SLC1A7: variants seen among roughly 807,000 people sequenced by gnomAD.
SLC1A7 encodes the protein solute carrier family 1 member 7.
Under a neutral mutation model 47.7 loss-of-function variants are expected in SLC1A7, and 40 were observed. The observed-to-expected ratio is 0.84, with a 90% CI of 0.65 to 1.09. The LOEUF (loss-of-function observed/expected upper bound fraction) is 1.09, where lower values mean the gene tolerates loss of function less well. Ranked by LOEUF, SLC1A7 falls within the 50% of genes least tolerant of loss-of-function variation. The pLI is 0.00. For missense variants in SLC1A7, 746 were observed against 769.5 expected, an observed-to-expected ratio of 0.97 and a Z score of 0.36; for synonymous variants, 323 against 325.6, an observed-to-expected ratio of 0.99 and a Z score of 0.09.
chr1:53,130,085 G>A (rs568075004), intron 2 of SLC1A7, among the ~76,000 whole-genome samples: 9 of 152,292 alleles, frequency 5.9e-5, no homozygotes, highest in East Asian at 1.9e-4. Context: ...AGCTGCGACC[G>A]TGAGGTCACT....
At chr1:53,105,645 C>T in intron 4 of SLC1A7, 87 bp downstream of exon 4, 2 of 1,043,428 alleles carry the variant, frequency 1.9e-6, no homozygotes, top group Middle Eastern at 2.3e-4. Context: ...GCACACCTGT[C>T]ACTTCCCAGC....
intron 9 of SLC1A7, 109 bp downstream of exon 9, chr1:53,089,691 T>C: frequency 8.3e-7 from 1 of 1,200,660 alleles, no homozygotes; most frequent in Middle Eastern, 2.3e-4. Flanking sequence ...AGCGGGGCAG[T>C]CCCCAGCCTT....
intron 5 of SLC1A7, among the ~76,000 whole-genome samples, chr1:53,094,693 C>T (rs1465483429): frequency 6.6e-6 from 1 of 152,196 alleles, no homozygotes; most frequent in Non-Finnish European, 1.5e-5. Flanking sequence ...CTTCCTGCCG[C>T]CTGGCTGATG....
rs554893868 is a variant in SLC1A7, at chr1:53,095,912, C to T, written c.698-2352G>A. Among the ~76,000 whole-genome samples, 351 of 147,784 alleles carry T rather than the reference C, an allele frequency of 2.4e-3. 1 individual carries two copies. The highest frequency in any genetic ancestry group is 0.021 in the Middle Eastern group (5 of 240). ...ATCGCCTCGGTACACTCACACAACC[C>T]GCCTCGGTACACTCACACAAACTGC... On this transcript the variant is annotated intron_variant, in intron 5 of 10. Coordinates refer to ENST00000371494, the MANE Select transcript of SLC1A7 (RefSeq NM_006671.6).
At chr1:53,095,709 G>A (rs767478433) in intron 5 of SLC1A7, among the ~76,000 whole-genome samples, 28 of 144,692 alleles carry the variant, frequency 1.9e-4, no homozygotes, top group Non-Finnish European at 3.9e-4. Context: ...ACCCTGCCTC[G>A]GTACACACAC....
At chr1:53,107,273 T>G (rs1390920334) in intron 3 of SLC1A7, among the ~76,000 whole-genome samples, 1 of 147,712 alleles carries the variant, frequency 6.8e-6, no homozygotes, top group Non-Finnish European at 1.5e-5. Context: ...AAATGAGCAA[T>G]AAATCAATAG....
intron 5 of SLC1A7, among the ~76,000 whole-genome samples, chr1:53,096,379 T>C (rs1198958621): frequency 3.2e-4 from 27 of 83,082 alleles, no homozygotes; most frequent in African/African-American, 5.4e-4. Flanking sequence ...CACTCACACA[T>C]CCCGCCTAGG....
At chr1:53,101,316 C>T (rs201038950) in intron 5 of SLC1A7, among the ~76,000 whole-genome samples, 2,551 of 84,978 alleles carry the variant, frequency 0.03, 114 homozygotes, top group African/African-American at 0.1. Flanking sequence ...CACCCCACCT[C>T]GGTACACTCA....
chr1:53,087,503 G>A lies in SLC1A7; in HGVS notation c.*506C>T, dbSNP rs1644372801. 6.6e-6 allele frequency: 1 copy of A among 152,592 alleles called. No homozygotes were observed. Among genetic ancestry groups the A allele is most frequent in the South Asian group, 2.1e-4 (1 of 4,840 alleles). 9.5% of individuals were successfully genotyped at this position (152,592 alleles called of 1,614,324 possible). A position where few individuals can be genotyped will look rare whatever the true frequency, so the allele number is the denominator to read the frequency against. On this transcript the variant is annotated 3_prime_UTR_variant, in exon 11 of 11. Transcript: ENST00000371494. ...GCACTGTGGCCTGGGGAAGGCAGCG[G>A]GGCTTGGCCCTGGGCTGCTCCCCTT...
At chr1:53,122,012 AGCTGGGGG>A (rs1324846093) in intron 2 of SLC1A7, among the ~76,000 whole-genome samples, 3 of 148,684 alleles carry the variant, frequency 2.0e-5, no homozygotes, top group African/African-American at 7.5e-5. Context: ...TGCGGGGAGC[AGCTGGGGG>A]GCTGGGGGGC....
At chr1:53,093,191 G>C (rs888223450) in intron 6 of SLC1A7, among the ~76,000 whole-genome samples, 3 of 152,210 alleles carry the variant, frequency 2.0e-5, no homozygotes, top group African/African-American at 7.2e-5. Context: ...AGCTGATAAG[G>C]CTCCATGTGA....
In SLC1A7 at chr1:53,132,071, G is replaced by A. The variant is rs1358301343; in HGVS notation, c.215+2279C>T. Among the ~76,000 whole-genome samples, 6 of 152,202 alleles carry A rather than the reference G, an allele frequency of 3.9e-5. No homozygotes were observed. The East Asian group carries it at 1.2e-3, about 29-fold the overall frequency. On this transcript the variant is annotated intron_variant, in intron 2 of 10. Coordinates refer to ENST00000371494, the MANE Select transcript of SLC1A7 (RefSeq NM_006671.6). ...GATGGTAAGGGCTTGGTCTGCTTAG[G>A]GAACTTGAGGCTGGTGGGACTGGAG...
chr1:53,103,673 A>G, intron 4 of SLC1A7, 105 bp from the exon 5 acceptor site: 1 of 642,624 alleles, frequency 1.6e-6, no homozygotes, highest in Non-Finnish European at 2.6e-6. Flanking sequence ...ATCCATTCCT[A>G]TCCTATTTGA....
intron 2 of SLC1A7, among the ~76,000 whole-genome samples, chr1:53,128,061 C>G (rs1379059904): frequency 6.6e-6 from 1 of 152,200 alleles, no homozygotes; most frequent in Non-Finnish European, 1.5e-5. Flanking sequence ...GACACACACA[C>G]AGAGAACCAG....
chr1:53,136,324 G>T (rs1644993618), intron 1 of SLC1A7, among the ~76,000 whole-genome samples: 1 of 148,098 alleles, frequency 6.8e-6, no homozygotes, highest in African/African-American at 2.5e-5. Flanking sequence ...CTCCCAAGTA[G>T]CTGGGACTAC....
At chr1:53,092,521 G>A (rs200300351) in intron 7 of SLC1A7, 33 bp downstream of exon 7, 8 of 1,507,930 alleles carry the variant, frequency 5.3e-6, no homozygotes, top group Non-Finnish European at 7.4e-6. Context: ...GCCCCTCCCA[G>A]CTCCCCACCG....
chr1:53,092,869 T>C, intron 6 of SLC1A7, 82 bp from the exon 7 acceptor site: 5 of 898,258 alleles, frequency 5.6e-6, no homozygotes, highest in Admixed American at 1.9e-5. Context: ...TGCGCGGCCT[T>C]CCCCCTGAGC....
At chr1:53,128,307 G>A (rs1168978184) in intron 2 of SLC1A7, among the ~76,000 whole-genome samples, 2 of 152,188 alleles carry the variant, frequency 1.3e-5, no homozygotes, top group Non-Finnish European at 2.9e-5. Flanking sequence ...AGAGCCCCAT[G>A]TCTACCCAAA....
intron 2 of SLC1A7, among the ~76,000 whole-genome samples, chr1:53,132,591 A>G (rs916622847): frequency 3.7e-4 from 56 of 152,310 alleles, no homozygotes; most frequent in African/African-American, 1.3e-3. Flanking sequence ...CATGCCTATA[A>G]TTCCCGCACT....
Sources: gnomAD v4.1 joint callset for allele counts (sites outside exome capture counted in the v4.1 genomes callset) on GRCh38, gnomAD v4.1.1 for gene constraint, MANE v1.5 for transcripts, NCBI Gene and HGNC (gene_info 2026-07-23, HGNC 2026-07-21) for gene names.